SLC4A10: variants seen among roughly 807,000 people sequenced by gnomAD.
SLC4A10 encodes the protein solute carrier family 4 member 10.
Under a neutral mutation model 137.7 loss-of-function variants are expected in SLC4A10, and 42 were observed. The ratio of observed to expected loss-of-function variants is 0.30; its 90% CI spans 0.24 to 0.39. The LOEUF (loss-of-function observed/expected upper bound fraction) is 0.39, where lower values mean the gene tolerates loss of function less well. Ranked by LOEUF, SLC4A10 falls within the 10% of genes least tolerant of loss-of-function variation. The pLI, the probability that SLC4A10 is intolerant of heterozygous loss-of-function variation, is 1.00. For missense variants in SLC4A10, 925 were observed against 1,355.0 expected, an observed-to-expected ratio of 0.68 and a Z score of 4.98; for synonymous variants, 474 against 464.1, an observed-to-expected ratio of 1.02 and a Z score of -0.27.
intron 1 of SLC4A10, among the ~76,000 whole-genome samples, chr2:161,644,399 A>G (rs1019147105): frequency 1.3e-5 from 2 of 152,016 alleles, no homozygotes; most frequent in Non-Finnish European, 2.9e-5. Flanking sequence ...AGGAGGCTGA[A>G]GAGAGAGGAT....
chr2:161,630,970 G>A (rs2033438741), intron 1 of SLC4A10, among the ~76,000 whole-genome samples: 2 of 151,676 alleles, frequency 1.3e-5, no homozygotes, highest in Admixed American at 6.6e-5. Flanking sequence ...TATAAAACGA[G>A]CTTTCACATC....
chr2:161,660,580 C>CT (rs1388155806), intron 1 of SLC4A10, among the ~76,000 whole-genome samples: 50 of 129,628 alleles, frequency 3.9e-4, no homozygotes, highest in Admixed American at 3.2e-3. Context: ...TTCTTTCTTT[C>CT]TTTCTTTCTT....
chr2:161,762,615 CAT>C (rs2050371267), intron 1 of SLC4A10, among the ~76,000 whole-genome samples: 1 of 151,862 alleles, frequency 6.6e-6, no homozygotes, highest in Admixed American at 6.6e-5. Context: ...TGTAATGTAA[CAT>C]AAAAGTAATA....
intron 1 of SLC4A10, among the ~76,000 whole-genome samples, chr2:161,658,611 T>TTC (rs1483477952): frequency 6.6e-6 from 1 of 151,002 alleles, no homozygotes; most frequent in Admixed American, 6.6e-5. Context: ...TTTTTTTTTT[T>TTC]TTGATGGAGT....
At chr2:161,637,461 A>C (rs568688128) in intron 1 of SLC4A10, among the ~76,000 whole-genome samples, 2 of 151,966 alleles carry the variant, frequency 1.3e-5, no homozygotes, top group African/African-American at 2.4e-5. Context: ...TTGGCTTCCC[A>C]AAGTGCTGTG....
At chr2:161,873,400 G>A (rs892536673) in intron 7 of SLC4A10, among the ~76,000 whole-genome samples, 3 of 151,742 alleles carry the variant, frequency 2.0e-5, no homozygotes, top group Admixed American at 6.6e-5. Context: ...GTGTGGTGGC[G>A]CGTGCCTGTG....
intron 1 of SLC4A10, among the ~76,000 whole-genome samples, chr2:161,761,662 T>C (rs922317544): frequency 6.6e-6 from 1 of 152,120 alleles, no homozygotes; most frequent in Non-Finnish European, 1.5e-5. Flanking sequence ...CAGATACCTT[T>C]TATCCTTTAA....
chr2:161,763,301 C>T (rs1028272633), intron 1 of SLC4A10, among the ~76,000 whole-genome samples: 9 of 151,886 alleles, frequency 5.9e-5, no homozygotes, highest in African/African-American at 1.7e-4. Flanking sequence ...CAATTTGGAG[C>T]CATGGAGTTT....
chr2:161,894,666 A>G lies in SLC4A10; in HGVS notation c.1195-13A>G, dbSNP rs761502646. The stretch of plus-strand genomic sequence containing the variant: ...TTTTTAAGCTATAAATAATATTTCT[A>G]TTTCTTCTAAAGGTATTTCATGATG... On this transcript the variant is annotated splice_polypyrimidine_tract_variant and intron_variant, in intron 10 of 26. Coordinates refer to ENST00000446997, the MANE Select transcript of SLC4A10 (RefSeq NM_001178015.2). 3 of 1,312,688 alleles carry G rather than the reference A, an allele frequency of 2.3e-6. No individual in the cohort carries two copies. Among genetic ancestry groups the G allele is most frequent in the South Asian group, 2.4e-5 (1 of 42,360 alleles). The allele number at this position is 1,312,688 out of a possible 1,614,324, so 81.3% of individuals were successfully genotyped here. A position where few individuals can be genotyped will look rare whatever the true frequency, so the allele number is the denominator to read the frequency against.
chr2:161,925,422 T>C (rs2105545730), intron 15 of SLC4A10, among the ~76,000 whole-genome samples: 1 of 152,298 alleles, frequency 6.6e-6, no homozygotes, highest in East Asian at 1.9e-4. Context: ...TTTTATTGTG[T>C]CTATTTGATT....
At chr2:161,790,319 C>T (rs1424513283) in intron 2 of SLC4A10, among the ~76,000 whole-genome samples, 1 of 152,094 alleles carries the variant, frequency 6.6e-6, no homozygotes, top group Non-Finnish European at 1.5e-5. Flanking sequence ...GCCTCATGTT[C>T]TCTTACTTTA....
intron 3 of SLC4A10, among the ~76,000 whole-genome samples, chr2:161,815,367 C>G (rs1012367317): frequency 2.0e-5 from 3 of 152,108 alleles, no homozygotes; most frequent in Non-Finnish European, 4.4e-5. Context: ...GTTCCCAGCT[C>G]TTTGCTCGCT....
chr2:161,813,011 T>G (rs1383302864), intron 3 of SLC4A10, among the ~76,000 whole-genome samples: 1 of 152,086 alleles, frequency 6.6e-6, no homozygotes, highest in African/African-American at 2.4e-5. Flanking sequence ...TTCATCCTAT[T>G]TTCTTTACAT....
intron 1 of SLC4A10, among the ~76,000 whole-genome samples, chr2:161,637,884 G>C (rs1214038254): frequency 6.6e-6 from 1 of 152,106 alleles, no homozygotes; most frequent in East Asian, 1.9e-4. Flanking sequence ...TCATATGCTA[G>C]TTAGTCACTT....
chr2:161,940,293 G>A (rs534146759), intron 15 of SLC4A10, among the ~76,000 whole-genome samples: 2 of 152,216 alleles, frequency 1.3e-5, no homozygotes, highest in South Asian at 4.2e-4. Flanking sequence ...AAGACCAACA[G>A]CGTTTCTTGT....
intron 2 of SLC4A10, among the ~76,000 whole-genome samples, chr2:161,773,840 TTCC>T (rs1295761867): frequency 6.6e-6 from 1 of 151,918 alleles, no homozygotes; most frequent in East Asian, 1.9e-4. Flanking sequence ...TTTATGTCTT[TTCC>T]TCCTATTAAA....
At chr2:161,758,567 A>G (rs962183445) in intron 1 of SLC4A10, among the ~76,000 whole-genome samples, 3 of 152,008 alleles carry the variant, frequency 2.0e-5, no homozygotes, top group African/African-American at 7.2e-5. Flanking sequence ...ATTTACCTGT[A>G]AATCATTAAA....
At chr2:161,866,806 C>A (rs2060788124) in intron 6 of SLC4A10, among the ~76,000 whole-genome samples, 1 of 151,518 alleles carries the variant, frequency 6.6e-6, no homozygotes, top group African/African-American at 2.4e-5. Flanking sequence ...ATTCAATTAC[C>A]TTTTGAGACA....
At chr2:161,768,181 T>C (rs1285252084) in intron 1 of SLC4A10, among the ~76,000 whole-genome samples, 1 of 151,992 alleles carries the variant, frequency 6.6e-6, no homozygotes, top group Non-Finnish European at 1.5e-5. Context: ...CAATTATTCA[T>C]TCTTGAACTG....
Sources: allele counts gnomAD v4.1 joint callset (sites outside exome capture counted in the v4.1 genomes callset), GRCh38; gene constraint gnomAD v4.1.1; transcripts MANE v1.5; gene names NCBI Gene and HGNC (gene_info 2026-07-23, HGNC 2026-07-21).